The following OCM variants were observed in gnomAD, a reference collection of about 807,000 sequenced individuals.
OCM encodes the protein oncomodulin-1.
In OCM, 18 loss-of-function variants were observed where a neutral mutation model predicts 14.1. The observed-to-expected ratio is 1.28, with a 90% CI of 0.88 to 1.89. The LOEUF (loss-of-function observed/expected upper bound fraction) is 1.89. Among genes scored for constraint, OCM ranks in the 40% most tolerant of loss-of-function variants. OCM has a pLI of 0.00. For missense variants in OCM, 140 were observed against 137.6 expected, an observed-to-expected ratio of 1.02 and a Z score of -0.09; for synonymous variants, 48 against 51.0, an observed-to-expected ratio of 0.94 and a Z score of 0.25.
chr7:5,860,745 C>T, the OCM span, among the ~76,000 whole-genome samples: 6 of 141,724 alleles, frequency 4.2e-5, 1 homozygote, highest in African/African-American at 1.3e-4. Context: ...CGTATATATA[C>T]ACATATATAC....
At chr7:5,878,322 G>C (rs1022232429), upstream of OCM, among the ~76,000 whole-genome samples, 1 of 151,964 alleles carries the variant, frequency 6.6e-6, no homozygotes, top group Non-Finnish European at 1.5e-5. Flanking sequence ...TGGACTAGGT[G>C]GGGGAACAGG....
chr7:5,882,455 C>G, intron 1 of OCM, 38 bp from the exon 2 acceptor site: 2 of 1,600,086 alleles, frequency 1.2e-6, no homozygotes, highest in Non-Finnish European at 1.7e-6. Context: ...AGAATGTGAT[C>G]CAACAAGCGT....
chr7:5,882,150 C>A (rs964076824), intron 1 of OCM, among the ~76,000 whole-genome samples: 11 of 143,746 alleles, frequency 7.7e-5, no homozygotes, highest in Non-Finnish European at 1.7e-4. Context: ...TGTTGAAATC[C>A]AGTGATTGCA....
At chr7:5,870,335 C>A in the OCM span, among the ~76,000 whole-genome samples, 1 of 152,158 alleles carries the variant, frequency 6.6e-6, no homozygotes, top group Non-Finnish European at 1.5e-5. Flanking sequence ...TGGTCTCAAA[C>A]CCCTGGGCTC....
At chr7:5,875,349 G>A (rs759764793), upstream of OCM, among the ~76,000 whole-genome samples, 11 of 151,762 alleles carry the variant, frequency 7.2e-5, no homozygotes, top group Non-Finnish European at 1.6e-4. Flanking sequence ...AAGCCACGGC[G>A]CCCGGCCTGA....
At chr7:5,863,210 C>A in the OCM span, among the ~76,000 whole-genome samples, 2 of 152,088 alleles carry the variant, frequency 1.3e-5, no homozygotes, top group Non-Finnish European at 2.9e-5. Flanking sequence ...CTTTATCCCT[C>A]CTGCTTGCTC....
the OCM span, among the ~76,000 whole-genome samples, chr7:5,863,071 C>T: frequency 6.6e-6 from 1 of 152,142 alleles, no homozygotes; most frequent in Non-Finnish European, 1.5e-5. Context: ...TTTACTTTAC[C>T]TTATGTAAAA....
chr7:5,872,684 G>C, the OCM span, among the ~76,000 whole-genome samples: 6 of 152,172 alleles, frequency 3.9e-5, no homozygotes, highest in South Asian at 2.1e-4. Context: ...CAGCATGCGC[G>C]TTAAGAGTCA....
chr7:5,859,811 C>T, the OCM span, among the ~76,000 whole-genome samples: 2 of 152,192 alleles, frequency 1.3e-5, no homozygotes, highest in South Asian at 2.1e-4. Context: ...GATTCTCCTG[C>T]CTCAGCCTCG....
chr7:5,878,620 G>A (rs1290628656), upstream of OCM, among the ~76,000 whole-genome samples: 5 of 151,280 alleles, frequency 3.3e-5, no homozygotes, highest in South Asian at 2.1e-4. Context: ...TGTGGCGGGC[G>A]CCTGCAGTCC....
the OCM span, among the ~76,000 whole-genome samples, chr7:5,869,423 C>T: frequency 1.3e-5 from 2 of 151,980 alleles, no homozygotes; most frequent in African/African-American, 4.8e-5. Context: ...CATGGTGAAA[C>T]CCTGTCTCTA....
chr7:5,883,367 A>G (rs1015078745), intron 2 of OCM, among the ~76,000 whole-genome samples: 2 of 151,904 alleles, frequency 1.3e-5, no homozygotes, highest in African/African-American at 2.4e-5. Context: ...ATAAATAAAT[A>G]AAAATTAAAA....
At chr7:5,881,507 G>C (rs1334182247) in intron 1 of OCM, among the ~76,000 whole-genome samples, 1 of 151,926 alleles carries the variant, frequency 6.6e-6, no homozygotes, top group Non-Finnish European at 1.5e-5. Context: ...GCATGTGCCT[G>C]TGGTCCCAGC....
the OCM span, among the ~76,000 whole-genome samples, chr7:5,873,218 T>C: frequency 6.6e-6 from 1 of 151,926 alleles, no homozygotes; most frequent in Non-Finnish European, 1.5e-5. Flanking sequence ...CTACTAAAAC[T>C]ACAAAAAATT....
chr7:5,880,575 A>G (rs1397422031), upstream of OCM, among the ~76,000 whole-genome samples: 2 of 152,126 alleles, frequency 1.3e-5, no homozygotes, highest in East Asian at 1.9e-4. Context: ...CCTGGCCAAC[A>G]TGGCAAAACC....
the OCM span, among the ~76,000 whole-genome samples, chr7:5,866,916 A>G: frequency 6.6e-6 from 1 of 152,124 alleles, no homozygotes; most frequent in Non-Finnish European, 1.5e-5. Context: ...CTATAAATAT[A>G]TATTTTCCAA....
the OCM span, among the ~76,000 whole-genome samples, chr7:5,874,223 C>CAAAAA: frequency 7.0e-4 from 22 of 31,492 alleles, 1 homozygote; most frequent in African/African-American, 1.5e-3. Flanking sequence ...GACTCTGTCT[C>CAAAAA]AAAAAAAAAA....
intron 1 of OCM, among the ~76,000 whole-genome samples, chr7:5,881,345 G>T (rs1411614416): frequency 6.6e-6 from 1 of 151,050 alleles, no homozygotes; most frequent in Non-Finnish European, 1.5e-5. Flanking sequence ...AGTAGACCAG[G>T]CATGGTGGCT....
At chr7:5,869,020 G>T in the OCM span, among the ~76,000 whole-genome samples, 3 of 152,044 alleles carry the variant, frequency 2.0e-5, no homozygotes, top group African/African-American at 7.2e-5. Context: ...CTGAGATCGC[G>T]CCATTGTACT....
Sources: allele counts gnomAD v4.1 joint callset (sites outside exome capture counted in the v4.1 genomes callset), GRCh38; gene constraint gnomAD v4.1.1; transcripts MANE v1.5; gene names NCBI Gene and HGNC (gene_info 2026-07-23, HGNC 2026-07-21).